Variants in EXOC6B observed in about 807,000 individuals in gnomAD.
EXOC6B encodes SEC15 homolog B.
EXOC6B carries 54 observed loss-of-function variants against 113.5 expected under a neutral mutation model. The observed-to-expected ratio is 0.48, with a 90% confidence interval of 0.38 to 0.60. The LOEUF (loss-of-function observed/expected upper bound fraction) is 0.60, where lower values mean the gene tolerates loss of function less well. EXOC6B is among the 20% of genes least tolerant of loss of function. The pLI is 0.00. For missense variants in EXOC6B, 797 were observed against 977.5 expected, an observed-to-expected ratio of 0.82 and a Z score of 2.46; for synonymous variants, 357 against 339.0, an observed-to-expected ratio of 1.05 and a Z score of -0.58.
chr2:72,761,214 A>G (rs1200691589), intron 1 of EXOC6B, among the ~76,000 whole-genome samples: 2 of 152,144 alleles, frequency 1.3e-5, no homozygotes, highest in Non-Finnish European at 2.9e-5. Context: ...TTTGTTAGAT[A>G]TCTACCTGAG....
At chr2:72,743,879 A>C (rs1681515157) in intron 1 of EXOC6B, among the ~76,000 whole-genome samples, 1 of 152,174 alleles carries the variant, frequency 6.6e-6, no homozygotes, top group African/African-American at 2.4e-5. Flanking sequence ...TCTACCACCC[A>C]AAACTCAGCA....
At chr2:72,279,531 T>G (rs564842893) in intron 20 of EXOC6B, among the ~76,000 whole-genome samples, 19 of 152,320 alleles carry the variant, frequency 1.2e-4, no homozygotes, top group African/African-American at 4.1e-4. Flanking sequence ...AAAATTTTAA[T>G]AGCAAAGGAA....
chr2:72,190,471 A>G (rs1201123264), intron 20 of EXOC6B, among the ~76,000 whole-genome samples: 2 of 152,190 alleles, frequency 1.3e-5, no homozygotes, highest in East Asian at 3.9e-4. Context: ...AAACAATACT[A>G]TAGTTCTGAG....
At chr2:72,571,553 G>C (rs2103793424) in intron 7 of EXOC6B, among the ~76,000 whole-genome samples, 1 of 152,118 alleles carries the variant, frequency 6.6e-6, no homozygotes, top group East Asian at 1.9e-4. Flanking sequence ...TAAAAATAGA[G>C]AACTTTACTA....
chr2:72,602,916 CAA>C (rs1670517894), intron 6 of EXOC6B, among the ~76,000 whole-genome samples: 1 of 152,116 alleles, frequency 6.6e-6, no homozygotes, highest in African/African-American at 2.4e-5. Context: ...TGGTGACACA[CAA>C]ATTTTGTTGG....
intron 6 of EXOC6B, among the ~76,000 whole-genome samples, chr2:72,701,731 C>T (rs1678360180): frequency 6.6e-6 from 1 of 152,166 alleles, no homozygotes; most frequent in South Asian, 2.1e-4. Flanking sequence ...TAGTATTCTG[C>T]AAGTGAGTCC....
intron 18 of EXOC6B, among the ~76,000 whole-genome samples, chr2:72,441,980 G>C (rs1438324422): frequency 6.6e-6 from 1 of 152,208 alleles, no homozygotes; most frequent in African/African-American, 2.4e-5. Context: ...TATCATTGAT[G>C]AACATTGATG....
At position 72,514,593 on chromosome 2, in the gene EXOC6B, AATAAATAAATAAATATATATATAT is replaced by A. The variant is rs766828558; in HGVS notation, c.1046+17_1046+40del. The A allele has an allele frequency of 3.8e-3, 936 of 243,420 alleles. 21 individuals are homozygous for A. Among genetic ancestry groups the A allele is most frequent in the African/African-American group, 0.024 (860 of 35,564 alleles). 15.1% of individuals were successfully genotyped at this position (243,420 alleles called of 1,614,324 possible). On this transcript the variant is annotated intron_variant, in intron 10 of 21. Coordinates refer to ENST00000272427, the MANE Select transcript of EXOC6B (RefSeq NM_015189.3). ...ATAAATTTCAATAAATAAATAAATA[AATAAATAAATAAATATATATATAT>A]ATATATATATACCTACCCTACAATT...
chr2:72,648,508 T>C (rs1478077200), intron 6 of EXOC6B, among the ~76,000 whole-genome samples: 1 of 152,188 alleles, frequency 6.6e-6, no homozygotes, highest in African/African-American at 2.4e-5. Context: ...CTATTCACAA[T>C]AGCAAAATCT....
At chr2:72,776,801 T>C (rs1683731860) in intron 1 of EXOC6B, among the ~76,000 whole-genome samples, 1 of 151,678 alleles carries the variant, frequency 6.6e-6, no homozygotes, top group Non-Finnish European at 1.5e-5. Flanking sequence ...GAGAAAGAAG[T>C]TGGAAGAATA....
At chr2:72,466,323 C>T (rs532382013) in intron 17 of EXOC6B, among the ~76,000 whole-genome samples, 18 of 141,332 alleles carry the variant, frequency 1.3e-4, no homozygotes, top group African/African-American at 3.2e-4. Flanking sequence ...CCAGCCTGGG[C>T]GACAGAGCAA....
rs1161341692 is a variant in EXOC6B at position 72,355,898 on chromosome 2, T to C, written c.2123-20878A>G. 4.6e-5 allele frequency among the ~76,000 whole-genome samples: 7 copies of C among 152,206 alleles called. No homozygotes were observed. The East Asian group carries it at 1.2e-3, about 25-fold the overall frequency. On this transcript the variant is annotated intron_variant, in intron 19 of 21. Transcript: ENST00000272427. ...CTAGTAGATGAAGTTTAAATTTTTA[T>C]TGGGTTCAAACTTCCTCCATTTGTC...
At chr2:72,746,603 C>G (rs1681711105) in intron 1 of EXOC6B, among the ~76,000 whole-genome samples, 1 of 152,012 alleles carries the variant, frequency 6.6e-6, no homozygotes, top group African/African-American at 2.4e-5. Flanking sequence ...CTGTACCAAA[C>G]CACTACAGGA....
intron 6 of EXOC6B, among the ~76,000 whole-genome samples, chr2:72,585,827 AGCCCTGGACT>A (rs1705531530): frequency 6.6e-6 from 1 of 152,166 alleles, no homozygotes; most frequent in African/African-American, 2.4e-5. Flanking sequence ...ACCTAAAAAA[AGCCCTGGACT>A]AGATGTATTC....
At chr2:72,212,739 C>A (rs539479809) in intron 20 of EXOC6B, among the ~76,000 whole-genome samples, 1 of 152,258 alleles carries the variant, frequency 6.6e-6, no homozygotes, top group East Asian at 1.9e-4. Flanking sequence ...TCTATCTCCA[C>A]TATAAAGTGA....
intron 6 of EXOC6B, among the ~76,000 whole-genome samples, chr2:72,657,433 T>C (rs1674667987): frequency 1.3e-5 from 2 of 151,782 alleles, no homozygotes; most frequent in South Asian, 4.2e-4. Context: ...GGTTTCACCA[T>C]ATTGGCCAGG....
At chr2:72,229,322 G>T (rs1681461813) in intron 20 of EXOC6B, among the ~76,000 whole-genome samples, 2 of 152,164 alleles carry the variant, frequency 1.3e-5, no homozygotes, top group African/African-American at 4.8e-5. Context: ...ACAGTGATGG[G>T]AGCATTTACG....
intron 7 of EXOC6B, among the ~76,000 whole-genome samples, chr2:72,566,358 C>T (rs1292123589): frequency 1.3e-5 from 2 of 152,056 alleles, no homozygotes; most frequent in Admixed American, 6.5e-5. Flanking sequence ...ATGCATCTGC[C>T]GTTTATTCCT....
chr2:72,263,047 A>C (rs1683836889), intron 20 of EXOC6B, among the ~76,000 whole-genome samples: 1 of 152,168 alleles, frequency 6.6e-6, no homozygotes, highest in Non-Finnish European at 1.5e-5. Context: ...ATTAGAACTA[A>C]TTTTTGATAT....
Sources: allele counts gnomAD v4.1 joint callset (sites outside exome capture counted in the v4.1 genomes callset), GRCh38; gene constraint gnomAD v4.1.1; transcripts MANE v1.5; gene names NCBI Gene and HGNC (gene_info 2026-07-23, HGNC 2026-07-21).